The following KAZN variants were observed in gnomAD, a reference collection of about 807,000 sequenced individuals.
KAZN encodes kazrin.
In KAZN, 40 loss-of-function variants were observed where a neutral mutation model predicts 87.4. That is an observed-to-expected ratio of 0.46 (90% CI 0.36 to 0.60). The LOEUF is 0.60. Ranked by LOEUF, KAZN falls within the 20% of genes least tolerant of loss-of-function variation. KAZN has a pLI of 0.00. For missense variants in KAZN, 898 were observed against 1,073.9 expected (o/e 0.84, Z 2.29); for synonymous variants, 466 against 458.3 (o/e 1.02, Z -0.22).
chr1:14,532,367 G>A (rs1458069816), intron 2 of KAZN, among the ~76,000 whole-genome samples: 2 of 152,036 alleles, frequency 1.3e-5, no homozygotes, highest in Non-Finnish European at 2.9e-5. Context: ...TTCACAGTCC[G>A]AGGACATTCC....
chr1:14,518,199 T>G (rs112014324), intron 2 of KAZN, among the ~76,000 whole-genome samples: 518 of 148,436 alleles, frequency 3.5e-3, no homozygotes, highest in African/African-American at 0.012. Flanking sequence ...TTTTTTTTTT[T>G]GGGCAGAGTC....
At chr1:14,520,361 G>A (rs1456507973) in intron 2 of KAZN, among the ~76,000 whole-genome samples, 2 of 152,048 alleles carry the variant, frequency 1.3e-5, no homozygotes, top group African/African-American at 4.8e-5. Context: ...CATGATAGAC[G>A]TAGCAAGCAG....
intron 1 of KAZN, among the ~76,000 whole-genome samples, chr1:13,954,474 G>T (rs887575022): frequency 3.1e-4 from 47 of 152,176 alleles, no homozygotes; most frequent in Non-Finnish European, 6.5e-4. Flanking sequence ...CAAATCTGTG[G>T]TCTGTGTATG....
In KAZN at chr1:15,094,441, G is replaced by C; in HGVS notation, c.1428+56G>C. 1 of 1,503,244 alleles carries C rather than the reference G, an allele frequency of 6.7e-7. No homozygotes were observed. Among genetic ancestry groups the C allele is most frequent in the Non-Finnish European group, 9.1e-7 (1 of 1,104,158 alleles). The allele number at this position is 1,503,244 out of a possible 1,614,324, so 93.1% of individuals were successfully genotyped here. A position where few individuals can be genotyped will look rare whatever the true frequency, so the allele number is the denominator to read the frequency against. ...CACCCATGCCCTCTGTGAGCTTTACGTACCCAGAAGCTGGCCTGCCCCCCA... is the reference window on the plus strand; with the variant it reads ...CACCCATGCCCTCTGTGAGCTTTACCTACCCAGAAGCTGGCCTGCCCCCCA... On this transcript the variant is annotated intron_variant, in intron 9 of 14. Coordinates refer to ENST00000376030, the MANE Select transcript of KAZN (RefSeq NM_201628.3). This position sits in a 1 kb window ranked among gnomAD's most constrained non-coding sequence, Gnocchi z 4.5.
chr1:13,897,917 C>T (rs1356881789), intron 1 of KAZN, among the ~76,000 whole-genome samples: 1 of 152,154 alleles, frequency 6.6e-6, no homozygotes, highest in African/African-American at 2.4e-5. Context: ...CTATTTCTAA[C>T]CCCCCACCCA....
chr1:14,277,281 A>C (rs1007673743), intron 2 of KAZN, among the ~76,000 whole-genome samples: 2 of 152,214 alleles, frequency 1.3e-5, no homozygotes. Context: ...ATATATCTGT[A>C]TGTATCTCTA....
chr1:13,969,180 T>A (rs1279464883), intron 1 of KAZN, among the ~76,000 whole-genome samples: 1 of 152,218 alleles, frequency 6.6e-6, no homozygotes, highest in Admixed American at 6.5e-5. Context: ...GGGGATGTTA[T>A]GGGTTAAAGT....
chr1:14,666,710 G>T, intron 1 of KAZN, among the ~76,000 whole-genome samples: 1 of 152,220 alleles, frequency 6.6e-6, no homozygotes, highest in Non-Finnish European at 1.5e-5. Flanking sequence ...CTTTCACGGG[G>T]CCTTCTCCGT....
chr1:14,417,011 TACACACACACACAC>T (rs58667891), intron 2 of KAZN, among the ~76,000 whole-genome samples: 181 of 145,598 alleles, frequency 1.2e-3, no homozygotes, highest in Non-Finnish European at 1.4e-3. Flanking sequence ...TATATATATG[TACACACACACACAC>T]ACACACACAC....
At chr1:14,514,555 AAT>A (rs1424313075) in intron 2 of KAZN, among the ~76,000 whole-genome samples, 3 of 126,114 alleles carry the variant, frequency 2.4e-5, no homozygotes, top group Admixed American at 9.9e-5. Context: ...TAATATATGA[AAT>A]ATATATTTTC....
intron 6 of KAZN, chr1:15,061,078 T>C (rs1450369437): frequency 6.6e-6 from 1 of 152,222 alleles, no homozygotes; most frequent in African/African-American, 2.4e-5. Flanking sequence ...AGACGGCTTT[T>C]TCCAAAACTC....
At chr1:14,274,201 G>T (rs541218035) in intron 2 of KAZN, among the ~76,000 whole-genome samples, 1 of 152,180 alleles carries the variant, frequency 6.6e-6, no homozygotes, top group Non-Finnish European at 1.5e-5. Flanking sequence ...TGATGAAATG[G>T]ATGTTTGCAC....
chr1:13,920,679 C>G (rs895024325), intron 1 of KAZN, among the ~76,000 whole-genome samples: 2 of 151,938 alleles, frequency 1.3e-5, no homozygotes, highest in Admixed American at 1.3e-4. Flanking sequence ...CAGAATGTTT[C>G]TGTGTAGGGG....
At chr1:14,085,437 C>A (rs1035474213) in intron 1 of KAZN, among the ~76,000 whole-genome samples, 5 of 152,284 alleles carry the variant, frequency 3.3e-5, no homozygotes, top group African/African-American at 9.6e-5. Flanking sequence ...TTCTCACCAC[C>A]CCCTGACCAC....
chr1:14,733,096 C>T (rs1225708810), intron 1 of KAZN, among the ~76,000 whole-genome samples: 1 of 152,082 alleles, frequency 6.6e-6, no homozygotes, highest in African/African-American at 2.4e-5. Flanking sequence ...AAGACAAGTG[C>T]GCTGAGTGTT....
chr1:14,971,604 G>A (rs943627745), intron 2 of KAZN, among the ~76,000 whole-genome samples: 1 of 151,376 alleles, frequency 6.6e-6, no homozygotes, highest in African/African-American at 2.4e-5. Context: ...AGAAAGAGGA[G>A]AGGATCTGGA....
At chr1:14,548,907 A>G (rs1212071070) in intron 2 of KAZN, among the ~76,000 whole-genome samples, 1 of 152,258 alleles carries the variant, frequency 6.6e-6, no homozygotes, top group Non-Finnish European at 1.5e-5. Context: ...TTTTCCATCC[A>G]TGAACATGAT....
At chr1:15,010,415 G>A in intron 2 of KAZN, among the ~76,000 whole-genome samples, 1 of 137,994 alleles carries the variant, frequency 7.2e-6, no homozygotes, top group African/African-American at 2.7e-5. Context: ...TTTTGAGACG[G>A]AGTCTCGCTC....
At chr1:14,112,527 C>T (rs1250383442) in intron 1 of KAZN, among the ~76,000 whole-genome samples, 2 of 152,226 alleles carry the variant, frequency 1.3e-5, no homozygotes, top group African/African-American at 2.4e-5. Flanking sequence ...CTCTCACTCC[C>T]AGGGACCCTC....
Sources: gnomAD v4.1 joint callset for allele counts (sites outside exome capture counted in the v4.1 genomes callset) on GRCh38, gnomAD v4.1.1 for gene constraint, Gnocchi (gnomAD v3.1) non-coding constraint, MANE v1.5 for transcripts, NCBI Gene and HGNC (gene_info 2026-07-23, HGNC 2026-07-21) for gene names.